Variants in CTNNA2 observed in about 807,000 individuals in gnomAD.
CTNNA2 encodes the protein catenin alpha-2.
In CTNNA2, 42 loss-of-function variants were observed where a neutral mutation model predicts 101.0. The ratio of observed to expected loss-of-function variants is 0.42; its 90% CI spans 0.32 to 0.54. The LOEUF is 0.54. Ranked by LOEUF, CTNNA2 falls within the 20% of genes least tolerant of loss-of-function variation. The pLI, the probability that CTNNA2 is intolerant of heterozygous loss-of-function variation, is 0.14. For synonymous variants in CTNNA2, 450 were observed against 456.4 expected, an observed-to-expected ratio of 0.99 and a Z score of 0.18; for missense variants, 871 against 1,223.1, an observed-to-expected ratio of 0.71 and a Z score of 4.29.
At chr2:79,364,577 G>A (rs1488174744) in intron 3 of CTNNA2, among the ~76,000 whole-genome samples, 4 of 152,148 alleles carry the variant, frequency 2.6e-5, no homozygotes, top group African/African-American at 9.7e-5. Context: ...ATCTTGATGG[G>A]AATTTGGGTC....
At chr2:79,358,071 TTTTTGGTGAAGATAAAGTA>T (rs1335717683) in intron 3 of CTNNA2, among the ~76,000 whole-genome samples, 4 of 152,168 alleles carry the variant, frequency 2.6e-5, no homozygotes, top group African/African-American at 7.2e-5. Context: ...GATGAAATTT[TTTTTGGTGAAGATAAAGTA>T]TTTTGGTGAA....
intron 1 of CTNNA2, among the ~76,000 whole-genome samples, chr2:79,519,675 G>GA (rs879780918): frequency 1.1e-4 from 17 of 150,562 alleles, no homozygotes; most frequent in South Asian, 2.1e-4. Flanking sequence ...GCTGCATAAG[G>GA]AAAAAAAAAC....
At chr2:80,311,264 A>G (rs752317447) in intron 7 of CTNNA2, among the ~76,000 whole-genome samples, 1 of 152,206 alleles carries the variant, frequency 6.6e-6, no homozygotes, top group Non-Finnish European at 1.5e-5. Flanking sequence ...TAAAAAAACT[A>G]TTAATACATA....
intron 7 of CTNNA2, among the ~76,000 whole-genome samples, chr2:79,996,911 G>A (rs1429906631): frequency 1.3e-5 from 2 of 152,114 alleles, no homozygotes; most frequent in African/African-American, 4.8e-5. Context: ...GGGGAGAGTC[G>A]TGATCAGTTG....
intron 6 of CTNNA2, among the ~76,000 whole-genome samples, chr2:79,908,854 C>G (rs1161592610): frequency 6.6e-6 from 1 of 152,200 alleles, no homozygotes; most frequent in Non-Finnish European, 1.5e-5. Flanking sequence ...CCATCTACCT[C>G]GGGGCATCTC....
intron 15 of CTNNA2, among the ~76,000 whole-genome samples, chr2:80,603,413 G>A (rs193295339): frequency 2.0e-5 from 3 of 152,094 alleles, no homozygotes; most frequent in Non-Finnish European, 4.4e-5. Flanking sequence ...TGCTTTGTAC[G>A]TTCTTTCATA....
chr2:80,209,491 C>T (rs574823289), intron 7 of CTNNA2, among the ~76,000 whole-genome samples: 153 of 152,158 alleles, frequency 1.0e-3, no homozygotes, highest in African/African-American at 3.6e-3. Context: ...GTACGCTGCC[C>T]AGAGTATTTT....
intron 9 of CTNNA2, among the ~76,000 whole-genome samples, chr2:80,492,011 T>C (rs983446002): frequency 3.9e-5 from 6 of 152,098 alleles, no homozygotes; most frequent in African/African-American, 1.4e-4. Flanking sequence ...CCTCACACTA[T>C]TTTTTGTCTG....
intron 3 of CTNNA2, among the ~76,000 whole-genome samples, chr2:79,783,273 A>G (rs911757105): frequency 2.0e-5 from 3 of 152,188 alleles, no homozygotes; most frequent in African/African-American, 7.2e-5. Context: ...AGATTTGGTC[A>G]CATGACCTTT....
intron 3 of CTNNA2, among the ~76,000 whole-genome samples, chr2:79,799,635 TGA>T (rs1267341294): frequency 2.0e-5 from 3 of 152,194 alleles, no homozygotes; most frequent in African/African-American, 4.8e-5. Flanking sequence ...GCTTAGAAAG[TGA>T]GAGAGCAAAA....
intron 7 of CTNNA2, among the ~76,000 whole-genome samples, chr2:80,003,486 A>G (rs1693108365): frequency 6.6e-6 from 1 of 152,152 alleles, no homozygotes; most frequent in African/African-American, 2.4e-5. Context: ...CTGGGCCTAC[A>G]CAATGGGCAC....
rs1416271114 is a variant in CTNNA2 at position 80,302,716 on chromosome 2, C to G, written c.1057-90495C>G. 7 of 1,612,856 alleles carry G rather than the reference C, an allele frequency of 4.3e-6. No individual in the cohort carries two copies. In the African/African-American group the frequency reaches 5.3e-5, roughly 12 times the overall value. ...CCGAGAGCAGGTGGCCGCTGGTGGG[C>G]TCGGCCCCATCCTCGCACAGGTGGA... On this transcript the variant is annotated intron_variant, in intron 7 of 18. Coordinates refer to ENST00000402739, the MANE Select transcript of CTNNA2 (RefSeq NM_001282597.3). This position sits in a 1 kb window ranked among gnomAD's most constrained non-coding sequence, Gnocchi z 6.4.
intron 7 of CTNNA2, among the ~76,000 whole-genome samples, chr2:80,005,764 T>G (rs953105220): frequency 1.1e-4 from 12 of 104,442 alleles, no homozygotes; most frequent in African/African-American, 3.6e-4. Context: ...TTTATCACTA[T>G]GTTTATTTGT....
chr2:79,482,713 G>A (rs922586941), intron 4 of CTNNA2, among the ~76,000 whole-genome samples: 2 of 152,074 alleles, frequency 1.3e-5, no homozygotes, highest in Non-Finnish European at 1.5e-5. Context: ...ATTCAGTCAG[G>A]GCAAAATAAT....
chr2:80,413,431 A>G (rs912923654), intron 8 of CTNNA2, among the ~76,000 whole-genome samples: 28 of 152,224 alleles, frequency 1.8e-4, no homozygotes, highest in African/African-American at 5.5e-4. Flanking sequence ...AGCAAGAACC[A>G]TGATTATTCT....
At chr2:79,310,459 A>G (rs1676341174) in intron 2 of CTNNA2, among the ~76,000 whole-genome samples, 1 of 152,146 alleles carries the variant, frequency 6.6e-6, no homozygotes. Flanking sequence ...TGTTTCTTCC[A>G]TTAATGTCAC....
chr2:79,977,069 T>C (rs1690901639), intron 7 of CTNNA2, among the ~76,000 whole-genome samples: 1 of 152,218 alleles, frequency 6.6e-6, no homozygotes, highest in African/African-American at 2.4e-5. Flanking sequence ...TTAAATGTTC[T>C]ACATATATTT....
chr2:79,247,318 A>C (rs1049968338), intron 2 of CTNNA2, among the ~76,000 whole-genome samples: 2 of 152,214 alleles, frequency 1.3e-5, no homozygotes, highest in East Asian at 3.9e-4. Context: ...TGTTAGCCTC[A>C]TGGGATTTTG....
chr2:80,090,549 G>A (rs1476186106), intron 7 of CTNNA2, among the ~76,000 whole-genome samples: 2 of 152,018 alleles, frequency 1.3e-5, no homozygotes, highest in Non-Finnish European at 2.9e-5. Flanking sequence ...CGTAGCAAGT[G>A]GCTCATGGGG....
Sources: allele counts gnomAD v4.1 joint callset (sites outside exome capture counted in the v4.1 genomes callset), GRCh38; gene constraint gnomAD v4.1.1; non-coding constraint Gnocchi (gnomAD v3.1); transcripts MANE v1.5; gene names NCBI Gene and HGNC (gene_info 2026-07-23, HGNC 2026-07-21).